Variants in TDRD5 observed in about 807,000 individuals in gnomAD.
The protein encoded by TDRD5 is tudor domain containing 5, also known as tudor domain-containing protein 5.
TDRD5 carries 41 observed loss-of-function variants against 120.6 expected under a neutral mutation model. The observed-to-expected ratio is 0.34, with a 90% CI of 0.26 to 0.44. TDRD5 has a LOEUF of 0.44. TDRD5 is among the 20% of genes least tolerant of loss of function. The pLI is 1.00. For missense variants in TDRD5, 1,006 were observed against 1,221.2 expected (o/e 0.82, Z 2.63); for synonymous variants, 430 against 433.7 (o/e 0.99, Z 0.11).
At chr1:179,669,664 A>C (rs1358354337) in intron 17 of TDRD5, among the ~76,000 whole-genome samples, 1 of 151,906 alleles carries the variant, frequency 6.6e-6, no homozygotes, top group Admixed American at 6.6e-5. Flanking sequence ...CTGGTTGTCA[A>C]GTGTATAGTT....
chr1:179,645,663 T>C (rs1056815167), intron 11 of TDRD5, among the ~76,000 whole-genome samples: 7 of 152,230 alleles, frequency 4.6e-5, no homozygotes, highest in African/African-American at 1.7e-4. Flanking sequence ...TCTGTAATTA[T>C]TGAAAGAAGT....
At chr1:179,684,789 T>C (rs1446444501) in intron 17 of TDRD5, among the ~76,000 whole-genome samples, 1 of 152,276 alleles carries the variant, frequency 6.6e-6, no homozygotes, top group Non-Finnish European at 1.5e-5. Flanking sequence ...TGCGTTTCTC[T>C]GACGGCCAGT....
chr1:179,598,755 A>G (rs1344272448), intron 4 of TDRD5, among the ~76,000 whole-genome samples: 3 of 151,970 alleles, frequency 2.0e-5, no homozygotes, highest in East Asian at 3.9e-4. Flanking sequence ...CTGTAATTCA[A>G]ATCATTCTAG....
chr1:179,630,658 T>G, intron 6 of TDRD5, 109 bp from the exon 7 acceptor site: 2 of 1,116,398 alleles, frequency 1.8e-6, no homozygotes, highest in Non-Finnish European at 2.5e-6. Context: ...CTGTAATACT[T>G]GAGTTCATTG....
intron 4 of TDRD5, among the ~76,000 whole-genome samples, chr1:179,602,969 G>A (rs1675796328): frequency 6.6e-6 from 1 of 152,170 alleles, no homozygotes; most frequent in African/African-American, 2.4e-5. Context: ...GCTTTTGGCA[G>A]TATGGTCATT....
intron 14 of TDRD5, among the ~76,000 whole-genome samples, chr1:179,660,676 A>G (rs1297230292): frequency 6.6e-6 from 1 of 151,988 alleles, no homozygotes; most frequent in Non-Finnish European, 1.5e-5. Context: ...TATATATTAC[A>G]CCTGCATATA....
intron 17 of TDRD5, among the ~76,000 whole-genome samples, chr1:179,686,066 C>T (rs1680696301): frequency 6.6e-6 from 1 of 152,192 alleles, no homozygotes; most frequent in Non-Finnish European, 1.5e-5. Context: ...CTGGCCAGAA[C>T]TTCCAATACT....
intron 6 of TDRD5, among the ~76,000 whole-genome samples, chr1:179,626,938 C>T (rs1341898991): frequency 1.3e-5 from 2 of 152,098 alleles, no homozygotes; most frequent in East Asian, 1.9e-4. Flanking sequence ...TTGAAGAGCA[C>T]ACTGCATATC....
At position 179,632,283 on chromosome 1, in the gene TDRD5, G is replaced by T. The variant is rs1009967451; in HGVS notation, c.1126+1363G>T. ...GGAGTTGTAAGAAATAATACACTAT[G>T]ATACCATGTACCTTTTACCTAGTTT... is the stretch of plus-strand genomic sequence containing the variant. On this transcript the variant is annotated intron_variant, in intron 7 of 17. Coordinates refer to ENST00000444136, the MANE Select transcript of TDRD5 (RefSeq NM_001199085.3). Among the ~76,000 whole-genome samples the T allele has an allele frequency of 2.0e-5, 3 of 152,012 alleles. No individual in the cohort carries two copies. The East Asian group carries it at 5.8e-4, about 29-fold the overall frequency.
At chr1:179,650,443 G>A (rs1470833506) in intron 11 of TDRD5, among the ~76,000 whole-genome samples, 1 of 148,806 alleles carries the variant, frequency 6.7e-6, no homozygotes, top group Non-Finnish European at 1.5e-5. Context: ...GCCTGGATTA[G>A]CAGATACCCT....
rs564178678 is a variant in TDRD5 at position 179,639,840 on chromosome 1, C to T, written c.1522C>T (p.Arg508Cys). 1.1e-4 allele frequency: 178 copies of T among 1,613,732 alleles called. No individual in the cohort carries two copies. Among genetic ancestry groups the T allele is most frequent in the South Asian group, 7.8e-4 (71 of 91,020 alleles). Residue 508 changes from arginine to cysteine, a missense_variant and splice_region_variant, in exon 10 of 18, where the codon CGC (arginine) becomes TGC (cysteine). Coordinates refer to ENST00000444136, the MANE Select transcript of TDRD5 (RefSeq NM_001199085.3). The stretch of plus-strand genomic sequence containing the variant: ...TCTCTGTATTATGGAATTCCACAGG[C>T]GCTGTTATTCTAATCAGCTGGTTTC... ...LLEDMMIEMR[R>C]CYSNQLVSDR...
chr1:179,688,379 C>G (rs1680872938), intron 17 of TDRD5, among the ~76,000 whole-genome samples: 4 of 138,692 alleles, frequency 2.9e-5, no homozygotes, highest in African/African-American at 9.8e-5. Context: ...ATCCCCCACT[C>G]TCTTCTGGTT....
Position 179,594,648 on chromosome 1 carries a change from C to A in TDRD5, c.640+781C>A, listed in dbSNP as rs1341084624. On this transcript the variant is annotated intron_variant, in intron 3 of 17. Transcript: ENST00000444136. ...TAGGCGGAGCCTACTTGGGAGAATT[C>A]TATGCTTATTTCAGTGATTTTCTTT... Among the ~76,000 whole-genome samples the A allele has an allele frequency of 4.6e-5, 7 of 152,346 alleles. No homozygotes were observed. In the East Asian group the frequency reaches 1.3e-3, roughly 29 times the overall value.
intron 7 of TDRD5, among the ~76,000 whole-genome samples, chr1:179,633,698 A>T (rs1235451495): frequency 6.6e-6 from 1 of 152,098 alleles, no homozygotes; most frequent in African/African-American, 2.4e-5. Context: ...ATACACATGT[A>T]AATTTGAACA....
chr1:179,592,588 G>A lies in TDRD5; in HGVS notation c.-14-14G>A, dbSNP rs554474571. 6.2e-7 allele frequency: 1 copy of A among 1,601,786 alleles called. No individual in the cohort carries two copies. The highest frequency in any genetic ancestry group is 8.5e-7 in the Non-Finnish European group (1 of 1,170,762). On this transcript the variant is annotated splice_polypyrimidine_tract_variant and intron_variant, in intron 1 of 17. Transcript: ENST00000444136. ...GGTTTGCCCCCTTTTCCTCAGCTGC[G>A]TTTCTGTCTTCAGTCCTGTAGGGCA...
chr1:179,673,807 T>C (rs12037514), intron 17 of TDRD5, among the ~76,000 whole-genome samples: 68,014 of 151,956 alleles, frequency 0.45, 15,208 homozygotes, highest in Admixed American at 0.48. Flanking sequence ...ATTTTGGGGG[T>C]GCAAGATATT....
intron 14 of TDRD5, among the ~76,000 whole-genome samples, chr1:179,659,582 T>A (rs897949214): frequency 4.8e-5 from 7 of 144,848 alleles, no homozygotes; most frequent in African/African-American, 1.8e-4. Context: ...TGTGTGTGTG[T>A]GTGTGTGTGC....
intron 12 of TDRD5, among the ~76,000 whole-genome samples, chr1:179,651,831 C>T (rs1324403502): frequency 2.7e-5 from 4 of 150,252 alleles, no homozygotes; most frequent in African/African-American, 7.4e-5. Flanking sequence ...GAGAATTGCT[C>T]GAATCTGGGA....
chr1:179,625,945 T>C (rs923105365), intron 6 of TDRD5, among the ~76,000 whole-genome samples: 10 of 151,994 alleles, frequency 6.6e-5, no homozygotes, highest in African/African-American at 2.4e-4. Context: ...ATCATCATTC[T>C]CAGTAAACCA....
Sources: allele counts gnomAD v4.1 joint callset (sites outside exome capture counted in the v4.1 genomes callset), GRCh38; gene constraint gnomAD v4.1.1; transcripts MANE v1.5; gene names NCBI Gene and HGNC (gene_info 2026-07-23, HGNC 2026-07-21).